AAK1: variants seen among roughly 807,000 people sequenced by gnomAD.
AAK1 encodes the protein AP2-associated protein kinase 1.
AAK1 carries 37 observed loss-of-function variants against 116.0 expected under a neutral mutation model. The ratio of observed to expected loss-of-function variants is 0.32; its 90% CI spans 0.25 to 0.42. The LOEUF is 0.42. AAK1 is among the 10% of genes least tolerant of loss of function. AAK1 has a pLI of 1.00. For synonymous variants in AAK1, 458 were observed against 439.9 expected (o/e 1.04, Z -0.51); for missense variants, 919 against 1,170.6 (o/e 0.79, Z 3.14).
intron 13 of AAK1, among the ~76,000 whole-genome samples, chr2:69,513,830 T>G (rs1676481600): frequency 6.6e-6 from 1 of 152,160 alleles, no homozygotes; most frequent in South Asian, 2.1e-4. Flanking sequence ...CCGTGTGTGT[T>G]GAAACTGTAG....
Position 69,476,866 on chromosome 2 carries a change from A to G in AAK1, c.2791+14T>C, listed in dbSNP as rs367571090. The stretch of plus-strand genomic sequence containing the variant: ...GAGGCCAAGCTCTTCTCTTTTCCCC[A>G]TCCTTTTTCTTACCTTGTGGGTTTT... On this transcript the variant is annotated intron_variant, in intron 21 of 21. Coordinates refer to ENST00000409085, the MANE Select transcript of AAK1 (RefSeq NM_014911.5). The G allele has an allele frequency of 2.5e-6, 4 of 1,596,984 alleles. No homozygotes were observed. The African/African-American group carries it at 5.4e-5, about 21-fold the overall frequency.
At chr2:69,563,931 C>T (rs1321638963) in intron 2 of AAK1, among the ~76,000 whole-genome samples, 6 of 152,102 alleles carry the variant, frequency 3.9e-5, no homozygotes, top group Admixed American at 2.6e-4. Flanking sequence ...CGGTGGCTCA[C>T]GCCTGTAATC....
chr2:69,620,913 C>A (rs1309222541), intron 2 of AAK1, among the ~76,000 whole-genome samples: 1 of 152,218 alleles, frequency 6.6e-6, no homozygotes, highest in Non-Finnish European at 1.5e-5. Flanking sequence ...CCCTAGATAT[C>A]TTTCCTTAAA....
intron 2 of AAK1, among the ~76,000 whole-genome samples, chr2:69,628,514 C>G (rs188555111): frequency 6.6e-6 from 1 of 152,236 alleles, no homozygotes; most frequent in East Asian, 1.9e-4. Flanking sequence ...ACCAGATAAC[C>G]TACTTCCCTA....
At chr2:69,609,263 T>A (rs1335524814) in intron 2 of AAK1, among the ~76,000 whole-genome samples, 5 of 152,100 alleles carry the variant, frequency 3.3e-5, no homozygotes, top group Non-Finnish European at 1.5e-5. Flanking sequence ...TTCGGGAGGC[T>A]GAGGTGGGAG....
Position 69,507,583 on chromosome 2 carries a change from G to A in AAK1, c.2007-5C>T, listed in dbSNP as rs772105419. The A allele has an allele frequency of 1.9e-6, 3 of 1,601,722 alleles. No homozygotes were observed. Among genetic ancestry groups the A allele is most frequent in the East Asian group, 4.5e-5 (2 of 44,690 alleles). ...GATGGAGTGGTGGTTGCAGACCTAG[G>A]TAGGTTCCCACCCCCACGAAACAAA... On this transcript the variant is annotated splice_region_variant and splice_polypyrimidine_tract_variant and intron_variant, in intron 14 of 21. Coordinates refer to ENST00000409085, the MANE Select transcript of AAK1 (RefSeq NM_014911.5).
chr2:69,483,047 C>A, intron 17 of AAK1, among the ~76,000 whole-genome samples: 1 of 152,130 alleles, frequency 6.6e-6, no homozygotes, highest in East Asian at 1.9e-4. Context: ...AAGATGCTGT[C>A]CTGGGTGCGT....
chr2:69,529,105 A>G (rs1222266248), intron 8 of AAK1, among the ~76,000 whole-genome samples: 5 of 152,212 alleles, frequency 3.3e-5, no homozygotes, highest in Admixed American at 3.3e-4. Context: ...ACATTTTCTC[A>G]GTTTCAGTTT....
chr2:69,502,898 A>C (rs1676034329), intron 16 of AAK1, among the ~76,000 whole-genome samples: 1 of 152,228 alleles, frequency 6.6e-6, no homozygotes, highest in South Asian at 2.1e-4. Flanking sequence ...TATATGGTGA[A>C]AAATTGGTAA....
At chr2:69,636,989 T>C (rs1675474195) in intron 2 of AAK1, among the ~76,000 whole-genome samples, 1 of 152,222 alleles carries the variant, frequency 6.6e-6, no homozygotes, top group Non-Finnish European at 1.5e-5. Flanking sequence ...CATGAGCCAC[T>C]GCACCCGGCC....
intron 5 of AAK1, among the ~76,000 whole-genome samples, chr2:69,540,700 T>A (rs921646312): frequency 6.6e-6 from 1 of 152,188 alleles, no homozygotes. Context: ...TGAAGGGTCC[T>A]CAAAAAGTTA....
In AAK1 at chr2:69,597,933, T is replaced by C. The variant is rs1027770873; in HGVS notation, c.164-40955A>G. On this transcript the variant is annotated intron_variant, in intron 2 of 21. Coordinates refer to ENST00000409085, the MANE Select transcript of AAK1 (RefSeq NM_014911.5). ...CCAGTAACTTCCCATCCCTCAAATATGAAAGCCAGACAGGCCATTGGAGTT... is the reference window on the plus strand; with the variant it reads ...CCAGTAACTTCCCATCCCTCAAATACGAAAGCCAGACAGGCCATTGGAGTT... The C allele has an allele frequency of 4.3e-5, 11 of 257,148 alleles. No individual in the cohort carries two copies. The South Asian group carries it at 1.9e-3, about 45-fold the overall frequency. The allele number at this position is 257,148 out of a possible 1,614,324, so 15.9% of individuals were successfully genotyped here.
At chr2:69,643,492 A>T (rs1229430202) in intron 1 of AAK1, 83 bp downstream of exon 1, 1 of 1,218,942 alleles carries the variant, frequency 8.2e-7, no homozygotes, top group African/African-American at 1.6e-5. Flanking sequence ...CTGCTCCGGC[A>T]GCGCCGACCC....
chr2:69,576,007 C>T (rs927853303), intron 2 of AAK1, among the ~76,000 whole-genome samples: 4 of 152,152 alleles, frequency 2.6e-5, no homozygotes, highest in African/African-American at 9.7e-5. Flanking sequence ...GGCAGTGGGG[C>T]ACACCAATGC....
At chr2:69,622,815 G>A (rs1470278429) in intron 2 of AAK1, among the ~76,000 whole-genome samples, 2 of 152,104 alleles carry the variant, frequency 1.3e-5, no homozygotes, top group Admixed American at 6.5e-5. Context: ...TCGACACTCC[G>A]CATCTAGCTA....
intron 2 of AAK1, among the ~76,000 whole-genome samples, chr2:69,639,188 A>ACT (rs1675588515): frequency 2.0e-5 from 3 of 152,202 alleles, no homozygotes; most frequent in Admixed American, 6.5e-5. Context: ...ATAGTTCCAG[A>ACT]ATGTTGTCTT....
chr2:69,545,945 T>C (rs1194758524), intron 3 of AAK1, among the ~76,000 whole-genome samples: 1 of 151,940 alleles, frequency 6.6e-6, no homozygotes, highest in Non-Finnish European at 1.5e-5. Flanking sequence ...AAAGGGTGTT[T>C]AGAATGGGAG....
intron 2 of AAK1, among the ~76,000 whole-genome samples, chr2:69,635,695 A>G (rs1675413781): frequency 6.6e-6 from 1 of 152,260 alleles, no homozygotes; most frequent in Non-Finnish European, 1.5e-5. Context: ...CAAAAGGCCA[A>G]ATACAGTAAT....
At chr2:69,573,652 C>G (rs1209102904) in intron 2 of AAK1, among the ~76,000 whole-genome samples, 1 of 152,180 alleles carries the variant, frequency 6.6e-6, no homozygotes, top group Non-Finnish European at 1.5e-5. Context: ...AATTCCACTT[C>G]TAGGAATCCA....
Sources: gnomAD v4.1 joint callset for allele counts (sites outside exome capture counted in the v4.1 genomes callset) on GRCh38, gnomAD v4.1.1 for gene constraint, MANE v1.5 for transcripts, NCBI Gene and HGNC (gene_info 2026-07-23, HGNC 2026-07-21) for gene names.